Variants in GALNT8 observed in about 807,000 individuals in gnomAD.
GALNT8 encodes the protein polypeptide N-acetylgalactosaminyltransferase 8, also known as probable polypeptide N-acetylgalactosaminyltransferase 8.
GALNT8 carries 66 observed loss-of-function variants against 62.7 expected under a neutral mutation model. The observed-to-expected ratio is 1.05, with a 90% CI of 0.86 to 1.29. GALNT8 has a LOEUF of 1.29. Among genes scored for constraint, GALNT8 ranks in the 50% most tolerant of loss-of-function variants. The pLI is 0.00. For synonymous variants in GALNT8, 288 were observed against 294.3 expected, an observed-to-expected ratio of 0.98 and a Z score of 0.22; for missense variants, 771 against 791.8, an observed-to-expected ratio of 0.97 and a Z score of 0.32.
intron 3 of GALNT8, among the ~76,000 whole-genome samples, chr12:4,743,387 A>T (rs1357973029): frequency 6.6e-6 from 1 of 152,222 alleles, no homozygotes; most frequent in African/African-American, 2.4e-5. Flanking sequence ...TCAATAATTG[A>T]GACAATTACT....
intron 6 of GALNT8, among the ~76,000 whole-genome samples, chr12:4,750,665 T>A (rs1946318637): frequency 6.6e-6 from 1 of 152,182 alleles, no homozygotes; most frequent in Non-Finnish European, 1.5e-5. Flanking sequence ...TGTGTATGAT[T>A]TATAATCCTT....
rs1322971111 is a variant in GALNT8, at chr12:4,739,151, G to A, written c.510-12G>A. 2 of 1,536,770 alleles carry A rather than the reference G, an allele frequency of 1.3e-6. No homozygotes were observed. The highest frequency in any genetic ancestry group is 4.5e-5 in the East Asian group (2 of 44,468). ...AAAAAAAATAATATGTTATAAAAAT[G>A]GTCTCTTATAGATGTCTTCGGAAGA... On this transcript the variant is annotated splice_polypyrimidine_tract_variant and intron_variant, in intron 2 of 10. Transcript: ENST00000252318.
chr12:4,768,402 T>TC (rs1260629780), intron 10 of GALNT8: 7 of 381,768 alleles, frequency 1.8e-5, no homozygotes, highest in Non-Finnish European at 3.1e-5. Flanking sequence ...TCTCATTTTT[T>TC]CATATCTTTT....
intron 3 of GALNT8, among the ~76,000 whole-genome samples, chr12:4,743,319 C>G (rs1364953946): frequency 6.6e-6 from 1 of 152,204 alleles, no homozygotes; most frequent in Non-Finnish European, 1.5e-5. Flanking sequence ...CTTGGCTACC[C>G]CAGCTTACTC....
chr12:4,739,426 G>A (rs1565384269), intron 3 of GALNT8, 97 bp downstream of exon 3: 3 of 856,962 alleles, frequency 3.5e-6, no homozygotes, highest in East Asian at 5.0e-5. Context: ...GACACCTTGG[G>A]TTTCTCATGT....
At chr12:4,747,965 G>C (rs112076085) in intron 6 of GALNT8, among the ~76,000 whole-genome samples, 2,100 of 152,266 alleles carry the variant, frequency 0.014, 51 homozygotes, top group African/African-American at 0.048. Flanking sequence ...TTTCTCTGAT[G>C]ATCAGTGATG....
chr12:4,771,866 G>A (rs1037591451), intron 10 of GALNT8, among the ~76,000 whole-genome samples: 5 of 152,144 alleles, frequency 3.3e-5, no homozygotes, highest in African/African-American at 1.2e-4. Flanking sequence ...AAGCCCACAC[G>A]GTTCGTATGT....
At chr12:4,725,027 T>G (rs931769371) in intron 1 of GALNT8, among the ~76,000 whole-genome samples, 1 of 152,220 alleles carries the variant, frequency 6.6e-6, no homozygotes, top group Admixed American at 6.5e-5. Context: ...GATGCCTTCT[T>G]CTAACTTGTA....
intron 1 of GALNT8, among the ~76,000 whole-genome samples, chr12:4,724,672 G>C (rs1369656891): frequency 1.3e-5 from 2 of 152,178 alleles, no homozygotes; most frequent in African/African-American, 4.8e-5. Context: ...AGTATGCATG[G>C]TGTTCACATG....
chr12:4,762,206 G>A (rs1946376416), intron 7 of GALNT8, among the ~76,000 whole-genome samples: 1 of 152,084 alleles, frequency 6.6e-6, no homozygotes, highest in Non-Finnish European at 1.5e-5. Context: ...TACCCTCCAG[G>A]ACATCCCTAG....
chr12:4,752,566 C>T (rs999470579), intron 6 of GALNT8, among the ~76,000 whole-genome samples: 2 of 151,394 alleles, frequency 1.3e-5, no homozygotes. Context: ...AACTCTACAC[C>T]TTGACTTTGT....
chr12:4,740,931 A>G (rs1348878882), intron 3 of GALNT8, among the ~76,000 whole-genome samples: 1 of 152,214 alleles, frequency 6.6e-6, no homozygotes, highest in Non-Finnish European at 1.5e-5. Flanking sequence ...ATAATACATG[A>G]ATTATGTAAC....
At chr12:4,721,157 C>T (rs574220655) in intron 1 of GALNT8, among the ~76,000 whole-genome samples, 8 of 151,990 alleles carry the variant, frequency 5.3e-5, no homozygotes, top group African/African-American at 1.7e-4. Flanking sequence ...CATGCATTAT[C>T]ATTATATCTA....
At chr12:4,756,190 C>A (rs1591572232) in intron 6 of GALNT8, among the ~76,000 whole-genome samples, 1 of 152,272 alleles carries the variant, frequency 6.6e-6, no homozygotes, top group East Asian at 1.9e-4. Flanking sequence ...ATCTACAGGG[C>A]CTCATTAGAA....
intron 2 of GALNT8, among the ~76,000 whole-genome samples, chr12:4,736,967 A>T (rs1197712288): frequency 6.6e-6 from 1 of 152,222 alleles, no homozygotes; most frequent in Non-Finnish European, 1.5e-5. Context: ...AAAGCATTAA[A>T]GGAAGGTTAT....
intron 2 of GALNT8, among the ~76,000 whole-genome samples, chr12:4,732,073 T>G (rs929742441): frequency 9.1e-6 from 1 of 109,566 alleles, no homozygotes; most frequent in Non-Finnish European, 2.0e-5. Flanking sequence ...GTAATATATA[T>G]TCTCACATTG....
intron 10 of GALNT8, among the ~76,000 whole-genome samples, chr12:4,770,194 T>C (rs1414818078): frequency 6.6e-6 from 1 of 150,880 alleles, no homozygotes; most frequent in Non-Finnish European, 1.5e-5. Flanking sequence ...CCCAACCACC[T>C]GGGAGGCTGA....
chr12:4,767,230 C>CT (rs1946404186), intron 10 of GALNT8, among the ~76,000 whole-genome samples: 1 of 152,092 alleles, frequency 6.6e-6, no homozygotes, highest in Admixed American at 6.5e-5. Flanking sequence ...CTCAGGGGTG[C>CT]TTTTGTAGCC....
At chr12:4,769,510 C>T (rs1946413802) in intron 10 of GALNT8, among the ~76,000 whole-genome samples, 1 of 152,100 alleles carries the variant, frequency 6.6e-6, no homozygotes, top group Non-Finnish European at 1.5e-5. Context: ...TGTCCAACAG[C>T]AGGGGAGGTT....
Sources: gnomAD v4.1 joint callset for allele counts (sites outside exome capture counted in the v4.1 genomes callset) on GRCh38, gnomAD v4.1.1 for gene constraint, MANE v1.5 for transcripts, NCBI Gene and HGNC (gene_info 2026-07-23, HGNC 2026-07-21) for gene names.